The following SLC26A4 variants were observed in gnomAD, a reference collection of about 807,000 sequenced individuals.
SLC26A4 encodes pendrin.
In SLC26A4, 93 loss-of-function variants were observed where a neutral mutation model predicts 90.4. That is an observed-to-expected ratio of 1.03 (90% CI 0.87 to 1.22). The LOEUF is 1.22. Ranked by LOEUF, SLC26A4 falls within the 50% of genes most tolerant of loss-of-function variation. The probability of loss-of-function intolerance (pLI) is 0.00; values close to 1 mark genes in which losing one functional copy is unlikely to be tolerated. For synonymous variants in SLC26A4, 393 were observed against 354.6 expected (o/e 1.11, Z -1.22); for missense variants, 1,127 against 946.2 (o/e 1.19, Z -2.51).
chr7:107,698,071 C>G lies in SLC26A4; in HGVS notation c.1574C>G (p.Pro525Arg), dbSNP rs765197819. The change falls in exon 14 of 21, where the codon CCT becomes CGT. Residue 525 changes from proline to arginine, a missense_variant. Pro to Arg is a moderately radical substitution (Grantham distance 103, BLOSUM62 -2). Coordinates refer to ENST00000644269, the MANE Select transcript of SLC26A4 (RefSeq NM_000441.2). ...FPSWNGLGSI[P>R]STDIYKSTKN... ...TCTTGGAATGGCCTTGGAAGCATCC[C>G]TAGCACAGATATCTACAAAAGTACC... 2 of 1,610,688 alleles carry G rather than the reference C, an allele frequency of 1.2e-6. No individual in the cohort carries two copies. The highest frequency in any genetic ancestry group is 2.2e-5 in the South Asian group (2 of 91,030).
intron 19 of SLC26A4, 111 bp downstream of exon 19, chr7:107,710,310 T>A (rs1792147860): frequency 2.5e-5 from 20 of 811,904 alleles, no homozygotes; most frequent in Non-Finnish European, 4.2e-5. Context: ...GCTACCTATA[T>A]AACTTCATGG....
At chr7:107,678,548 A>G (rs1476942815) in intron 6 of SLC26A4, among the ~76,000 whole-genome samples, 1 of 152,214 alleles carries the variant, frequency 6.6e-6, no homozygotes, top group Admixed American at 6.5e-5. Flanking sequence ...GAAACACTAG[A>G]CCAAGGTCAA....
chr7:107,663,266 T>A (rs770272957), intron 2 of SLC26A4, 30 bp from the exon 3 acceptor site: 36 of 1,613,952 alleles, frequency 2.2e-5, no homozygotes, highest in Non-Finnish European at 3.1e-5. Flanking sequence ...GAGATTGGAT[T>A]GAAAACCCAG....
Position 107,694,382 on chromosome 7 carries a change from T to C in SLC26A4, c.1264-21T>C, listed in dbSNP as rs369955505. The C allele has an allele frequency of 5.0e-6, 8 of 1,596,566 alleles. No individual in the cohort carries two copies. In the African/African-American group the frequency reaches 6.7e-5, roughly 13 times the overall value. ...AAGGGAGAAGGACGAATCCTTTTCA[T>C]AGGAGGTGTGTGTCTTCCAGGTTGC... is the stretch of plus-strand genomic sequence containing the variant. On this transcript the variant is annotated intron_variant, in intron 10 of 20. Transcript: ENST00000644269.
Position 107,683,312 on chromosome 7 carries a change from T to A in SLC26A4, c.876T>A (p.Phe292Leu). 1 of 1,613,892 alleles carries A rather than the reference T, an allele frequency of 6.2e-7. No homozygotes were observed. The highest frequency in any genetic ancestry group is 8.5e-7 in the Non-Finnish European group (1 of 1,179,856). ...CMAVKELNDR[F>L]RHKIPVPIPI... ...CAGTTAAGGAATTAAATGATCGGTT[T>A]AGACACAAAATCCCAGTCCCTATTC... The change falls in exon 7 of 21, where the codon TTT becomes TTA. Residue 292 changes from phenylalanine to leucine, a missense_variant. Transcript: ENST00000644269.
intron 8 of SLC26A4, 81 bp downstream of exon 8, chr7:107,683,618 A>G: frequency 9.0e-7 from 1 of 1,108,398 alleles, no homozygotes; most frequent in Non-Finnish European, 1.3e-6. Context: ...CTTTTATTAC[A>G]AGCTTCATTT....
intron 3 of SLC26A4, among the ~76,000 whole-genome samples, chr7:107,671,543 C>A (rs2129311072): frequency 6.6e-6 from 1 of 152,314 alleles, no homozygotes; most frequent in Admixed American, 6.5e-5. Context: ...CAACTGAGTC[C>A]ATTCATTTGA....
intron 6 of SLC26A4, among the ~76,000 whole-genome samples, chr7:107,680,180 A>G (rs1185231824): frequency 3.2e-5 from 4 of 124,788 alleles, no homozygotes; most frequent in Non-Finnish European, 4.7e-5. Flanking sequence ...ATCTTATTAT[A>G]TAATATAATC....
At chr7:107,691,618 A>T (rs771051819) in intron 10 of SLC26A4, among the ~76,000 whole-genome samples, 1 of 151,740 alleles carries the variant, frequency 6.6e-6, no homozygotes, top group Non-Finnish European at 1.5e-5. Flanking sequence ...TCCAACAGTG[A>T]CTTGCCCAGG....
At chr7:107,694,212 G>A (rs912604498) in intron 10 of SLC26A4, among the ~76,000 whole-genome samples, 191 bp from the exon 11 acceptor site, 1 of 152,170 alleles carries the variant, frequency 6.6e-6, no homozygotes, top group African/African-American at 2.4e-5. Context: ...AGCATATATA[G>A]ATGCCATTTT....
chr7:107,672,737 A>C, intron 4 of SLC26A4, among the ~76,000 whole-genome samples: 1 of 152,208 alleles, frequency 6.6e-6, no homozygotes, highest in East Asian at 1.9e-4. Context: ...CTAATATTAG[A>C]AGACTGGCAA....
chr7:107,710,247 AT>A, intron 19 of SLC26A4, 48 bp downstream of exon 19: 1 of 1,333,178 alleles, frequency 7.5e-7, no homozygotes. Flanking sequence ...AACTATCATG[AT>A]TTCTATAAAT....
At position 107,661,684 on chromosome 7, in the gene SLC26A4, G is replaced by T. The variant is rs780980532; in HGVS notation, c.43G>T (p.Glu15Ter). The change falls in exon 2 of 21, where the codon GAG (glutamate) becomes TAG (stop). Residue 15 changes from glutamate to a stop codon, truncating the protein, a stop_gained. Coordinates refer to ENST00000644269, the MANE Select transcript of SLC26A4 (RefSeq NM_000441.2). LOFTEE classifies it high-confidence loss of function. This position sits in a 1 kb window ranked among gnomAD's most constrained non-coding sequence, Gnocchi z 5.1. ...CAGGTCGGAGCCGCCGCAGCTCCCC[G>T]AGTACAGCTGCAGCTACATGGTGTC... ...GGRSEPPQLP[E>*]YSCSYMVSRP... is the part of the protein sequence containing the mutation. The T allele has an allele frequency of 1.3e-6, 2 of 1,572,462 alleles. No homozygotes were observed. Among genetic ancestry groups the T allele is most frequent in the Non-Finnish European group, 1.7e-6 (2 of 1,163,744 alleles).
rs535646770 is a variant in SLC26A4 at position 107,661,749 on chromosome 7, C to G, written c.108C>G (p.His36Gln). ...GCGAGCTCGCTTTCCAGCAACAGCA[C>G]GAGCGGCGCCTGCAGGAGCGCAAGA... ...VYSELAFQQQ[H>Q]ERRLQERKTL... is the part of the protein sequence containing the mutation. The change falls in exon 2 of 21, where the codon CAC (histidine) becomes CAG (glutamine). Residue 36 changes from histidine (H) to glutamine (Q), a missense_variant. Physicochemically the swap from His to Gln is conservative, Grantham distance 24 (BLOSUM62 0). Transcript: ENST00000644269. The surrounding 1 kb of genome is among the most constrained non-coding windows in gnomAD (Gnocchi z 5.1). 11 of 1,547,898 alleles carry G rather than the reference C, an allele frequency of 7.1e-6. No individual in the cohort carries two copies. The highest frequency in any genetic ancestry group is 2.7e-5 in the African/African-American group (2 of 73,534).
intron 19 of SLC26A4, among the ~76,000 whole-genome samples, chr7:107,712,002 C>G (rs531986124): frequency 6.6e-6 from 1 of 152,312 alleles, no homozygotes; most frequent in East Asian, 1.9e-4. Flanking sequence ...CCAAAATTGT[C>G]GTTGGTTTCC....
Position 107,715,418 on chromosome 7 carries a change from C to T in SLC26A4, c.2320-5C>T, listed in dbSNP as rs375788037. 1 of 1,612,842 alleles carries T rather than the reference C, an allele frequency of 6.2e-7. No individual in the cohort carries two copies. The highest frequency in any genetic ancestry group is 8.5e-7 in the Non-Finnish European group (1 of 1,178,936). ...CAACACTTTGTTTTCCCCTTGCTTC[C>T]ACAGGCTATGCGTACACTTGCATCC... On this transcript the variant is annotated splice_region_variant and splice_polypyrimidine_tract_variant and intron_variant, in intron 20 of 20. Coordinates refer to ENST00000644269, the MANE Select transcript of SLC26A4 (RefSeq NM_000441.2).
At chr7:107,705,435 C>G (rs1419653794) in intron 18 of SLC26A4, among the ~76,000 whole-genome samples, 1 of 152,078 alleles carries the variant, frequency 6.6e-6, no homozygotes, top group Non-Finnish European at 1.5e-5. Context: ...GGAGATAATA[C>G]CAAGGGTTTA....
Sources: allele counts gnomAD v4.1 joint callset (sites outside exome capture counted in the v4.1 genomes callset), GRCh38; gene constraint gnomAD v4.1.1; non-coding constraint Gnocchi (gnomAD v3.1); transcripts MANE v1.5; gene names NCBI Gene and HGNC (gene_info 2026-07-23, HGNC 2026-07-21).